DNAH2: variants seen among roughly 807,000 people sequenced by gnomAD.
The protein encoded by DNAH2 is dynein axonemal heavy chain 2.
In DNAH2, 323 loss-of-function variants were observed where a neutral mutation model predicts 523.5. The ratio of observed to expected loss-of-function variants is 0.62; its 90% CI spans 0.56 to 0.68. The LOEUF is 0.68. DNAH2 is among the 30% of genes least tolerant of loss of function. The pLI, the probability that DNAH2 is intolerant of heterozygous loss-of-function variation, is 0.00. For synonymous variants in DNAH2, 2,093 were observed against 2,177.4 expected, an observed-to-expected ratio of 0.96 and a Z score of 1.08; for missense variants, 4,907 against 5,701.5, an observed-to-expected ratio of 0.86 and a Z score of 4.49.
At chr17:7,768,678 C>T (rs1231072760) in intron 24 of DNAH2, among the ~76,000 whole-genome samples, 1 of 152,016 alleles carries the variant, frequency 6.6e-6, no homozygotes, top group African/African-American at 2.4e-5. Flanking sequence ...GTCCTTTGAC[C>T]AACACCTCCC....
intron 4 of DNAH2, among the ~76,000 whole-genome samples, chr17:7,728,400 A>G (rs1401983896): frequency 6.6e-6 from 1 of 152,220 alleles, no homozygotes; most frequent in Admixed American, 6.5e-5. Flanking sequence ...ATTGATTGGC[A>G]TGGCCCTGTG....
intron 63 of DNAH2, among the ~76,000 whole-genome samples, chr17:7,814,185 CAAAA>C (rs59214536): frequency 3.0e-5 from 3 of 101,476 alleles, no homozygotes; most frequent in Non-Finnish European, 4.0e-5. Flanking sequence ...CACTATTCTC[CAAAA>C]AAAAAAAAAA....
chr17:7,730,466 A>G (rs1255474527), intron 4 of DNAH2, among the ~76,000 whole-genome samples: 2 of 152,238 alleles, frequency 1.3e-5, no homozygotes, highest in Non-Finnish European at 2.9e-5. Flanking sequence ...CCTGAAATGC[A>G]GAAGGAACTG....
chr17:7,816,449 CA>C, intron 63 of DNAH2, 121 bp from the exon 64 acceptor site: 1 of 1,173,846 alleles, frequency 8.5e-7, no homozygotes, highest in East Asian at 2.4e-5. Flanking sequence ...AAACTAGGCT[CA>C]AAGAGATTAA....
intron 42 of DNAH2, 184 bp from the exon 43 acceptor site, chr17:7,787,676 C>CA: frequency 1.5e-6 from 1 of 665,788 alleles, no homozygotes. Flanking sequence ...GCGGAGGTTG[C>CA]AGTCAGCCAA....
rs773570747 is a variant in DNAH2 at position 7,793,109 on chromosome 17, C to T, written c.7473C>T (p.Asp2491=). ...ATGACCTAAATATGCCCGCTAAGGA[C>T]ATGTTTGGGTCCCAGCCACCCCTGG... The part of the protein sequence containing the change: ...FMDDLNMPAK[D]MFGSQPPLEL... Residue 2491 remains aspartate, a synonymous_variant, in exon 48 of 86, where the codon GAC becomes GAT. Coordinates refer to ENST00000572933, the MANE Select transcript of DNAH2 (RefSeq NM_020877.5). The T allele has an allele frequency of 6.2e-7, 1 of 1,614,190 alleles. No homozygotes were observed. The highest frequency in any genetic ancestry group is 8.5e-7 in the Non-Finnish European group (1 of 1,180,046).
intron 58 of DNAH2, among the ~76,000 whole-genome samples, chr17:7,803,543 G>A (rs1438475311): frequency 6.6e-6 from 1 of 152,092 alleles, no homozygotes; most frequent in Non-Finnish European, 1.5e-5. Context: ...GATGGCGGGT[G>A]CCTGTAATGC....
At chr17:7,763,533 C>A (rs547135620) in intron 18 of DNAH2, among the ~76,000 whole-genome samples, 1 of 152,356 alleles carries the variant, frequency 6.6e-6, no homozygotes, top group Non-Finnish European at 1.5e-5. Context: ...CCTGCCTCGG[C>A]CTCCCAAAGT....
In DNAH2 at chr17:7,734,605, G is replaced by A. The variant is rs1446386061; in HGVS notation, c.875G>A (p.Ser292Asn). Residue 292 changes from serine (S) to asparagine (N), a missense_variant, in exon 7 of 86, where the codon AGT (serine) becomes AAT (asparagine). By Grantham distance (46) the Ser-to-Asn change is conservative. Coordinates refer to ENST00000572933, the MANE Select transcript of DNAH2 (RefSeq NM_020877.5). ...CGATGCATGGACCTGTCTGGCATCA[G>A]TAAGCAGCTGGTGAAGAAGGGAGTG... is the stretch of plus-strand genomic sequence containing the variant. Reference protein sequence around the residue: ...RNRCMDLSGISKQLVKKGVKH... With the variant: ...RNRCMDLSGINKQLVKKGVKH... 19 of 1,613,610 alleles carry A rather than the reference G, an allele frequency of 1.2e-5. No individual in the cohort carries two copies. The highest frequency in any genetic ancestry group is 1.5e-5 in the Non-Finnish European group (18 of 1,180,006).
intron 12 of DNAH2, among the ~76,000 whole-genome samples, chr17:7,750,087 G>A (rs1224062378): frequency 6.6e-6 from 1 of 152,012 alleles, no homozygotes; most frequent in Admixed American, 6.6e-5. Flanking sequence ...TCTCTGCTCT[G>A]CTTCCCAGGT....
intron 13 of DNAH2, among the ~76,000 whole-genome samples, chr17:7,757,840 C>T (rs1184508696): frequency 6.6e-6 from 1 of 152,226 alleles, no homozygotes; most frequent in Non-Finnish European, 1.5e-5. Flanking sequence ...TCTTCTTGCT[C>T]TGTCCTCACA....
chr17:7,778,249 G>A (rs753700316), intron 34 of DNAH2, 31 bp from the exon 35 acceptor site: 12 of 1,613,936 alleles, frequency 7.4e-6, no homozygotes, highest in Non-Finnish European at 7.6e-6. Flanking sequence ...GCTTCCAGGA[G>A]TCTGACTCTA....
intron 77 of DNAH2, among the ~76,000 whole-genome samples, chr17:7,825,882 C>T (rs192728305): frequency 1.0e-3 from 158 of 152,312 alleles, no homozygotes; most frequent in Non-Finnish European, 2.4e-4. Flanking sequence ...AATGTGATTA[C>T]GTTTAGAGGC....
In DNAH2 at chr17:7,742,948, C is replaced by T. The variant is rs552929083; in HGVS notation, c.1710C>T (p.Phe570=). ...CTCAGTGCCTTGCTGGTGCTCATTTCCTGCCCCGTATTGGGACTGGAAAGG... is the reference window on the plus strand; with the variant it reads ...CTCAGTGCCTTGCTGGTGCTCATTTTCTGCCCCGTATTGGGACTGGAAAGG... ...RVMTCLAGAH[F]LPRIGTGKES... Residue 570 remains phenylalanine (F), a synonymous_variant, in exon 12 of 86, where the codon TTC becomes TTT. Transcript: ENST00000572933. 52 of 1,469,056 alleles carry T rather than the reference C, an allele frequency of 3.5e-5. 1 individual carries two copies. In the South Asian group the frequency reaches 7.7e-4, roughly 22 times the overall value. The allele number at this position is 1,469,056 out of a possible 1,614,324, so 91.0% of individuals were successfully genotyped here.
chr17:7,831,426 C>A lies in DNAH2; in HGVS notation c.12496C>A (p.Pro4166Thr). ...ELAADVKQKI[P>T]EMIDYEGTQK... is the part of the protein sequence containing the mutation. The stretch of plus-strand genomic sequence containing the variant: ...GGCCGCTGATGTGAAGCAGAAGATC[C>A]CTGAAATGATCGACTATGAGGGGAC... Residue 4166 changes from proline (P) to threonine (T), a missense_variant, in exon 81 of 86, where the codon CCT becomes ACT. Coordinates refer to ENST00000572933, the MANE Select transcript of DNAH2 (RefSeq NM_020877.5). This position sits in a 1 kb window ranked among gnomAD's most constrained non-coding sequence, Gnocchi z 4.2. The A allele has an allele frequency of 1.2e-6, 2 of 1,614,104 alleles. No homozygotes were observed. Among genetic ancestry groups the A allele is most frequent in the Admixed American group, 1.7e-5 (1 of 60,016 alleles).
rs748557090 is a variant in DNAH2 at position 7,792,343 on chromosome 17, A to G, written c.7145A>G (p.Asn2382Ser). The change falls in exon 46 of 86, where the codon AAC becomes AGC. Residue 2382 changes from asparagine (N) to serine (S), a missense_variant and splice_region_variant. This residue lies in a region of DNAH2 where 2,806 missense variants were observed against 3,190.8 expected (regional missense o/e 0.88). Coordinates refer to ENST00000572933, the MANE Select transcript of DNAH2 (RefSeq NM_020877.5). ...KLPKSWRYPP[N>S]APFYKIMVPT... ...CCTAAGAGTTGGCGCTACCCTCCAA[A>G]GTAAGAGCTGGGCCTGGGTGTGAGG... 4 of 1,614,028 alleles carry G rather than the reference A, an allele frequency of 2.5e-6. No individual in the cohort carries two copies. In the South Asian group the frequency reaches 3.3e-5, roughly 13 times the overall value.
At chr17:7,739,413 T>G (rs1223803749) in intron 8 of DNAH2, among the ~76,000 whole-genome samples, 1 of 151,978 alleles carries the variant, frequency 6.6e-6, no homozygotes, top group Non-Finnish European at 1.5e-5. Context: ...CTCAAAAAAA[T>G]AAAAGAAAAG....
At chr17:7,792,932 C>A in intron 47 of DNAH2, 49 bp from the exon 48 acceptor site, 1 of 1,601,964 alleles carries the variant, frequency 6.2e-7, no homozygotes, top group East Asian at 2.2e-5. Flanking sequence ...TCTCTAAGCC[C>A]GTATTTCTCT....
In DNAH2 at chr17:7,754,966, G is replaced by C; in HGVS notation, c.1905-2125G>C. The C allele has an allele frequency of 3.6e-6, 1 of 277,152 alleles. No individual in the cohort carries two copies. Among genetic ancestry groups the C allele is most frequent in the Non-Finnish European group, 6.4e-6 (1 of 156,174 alleles). 17.2% of individuals were successfully genotyped at this position (277,152 alleles called of 1,614,324 possible). Reference sequence around the variant, plus strand: ...TATTGGTACAAATAAGCCTGAGGCAGAAAAAAAAAAAAAAAGAATAGGCAG... The same window carrying C: ...TATTGGTACAAATAAGCCTGAGGCACAAAAAAAAAAAAAAAGAATAGGCAG... On this transcript the variant is annotated intron_variant, in intron 12 of 85. Transcript: ENST00000572933. This position sits in a 1 kb window ranked among gnomAD's most constrained non-coding sequence, Gnocchi z 4.6.
Sources: allele counts gnomAD v4.1 joint callset (sites outside exome capture counted in the v4.1 genomes callset), GRCh38; gene constraint gnomAD v4.1.1; regional missense constraint gnomAD v4.1.1; non-coding constraint Gnocchi (gnomAD v3.1); transcripts MANE v1.5; gene names NCBI Gene and HGNC (gene_info 2026-07-23, HGNC 2026-07-21).